PTPRG: variants seen among roughly 807,000 people sequenced by gnomAD.
The protein encoded by PTPRG is receptor-type tyrosine-protein phosphatase gamma.
PTPRG carries 102 observed loss-of-function variants against 165.3 expected under a neutral mutation model. The observed-to-expected ratio is 0.62, with a 90% CI of 0.53 to 0.73. The LOEUF is 0.73. PTPRG is among the 30% of genes least tolerant of loss of function. The pLI is 0.00. For missense variants in PTPRG, 1,866 were observed against 1,861.4 expected (o/e 1.00, Z -0.05); for synonymous variants, 675 against 669.5 (o/e 1.01, Z -0.13).
At chr3:62,062,524 C>T (rs1700850486) in intron 4 of PTPRG, among the ~76,000 whole-genome samples, 1 of 152,108 alleles carries the variant, frequency 6.6e-6, no homozygotes, top group Admixed American at 6.6e-5. Flanking sequence ...TAATGAGGGA[C>T]TTGATCTGAG....
At position 62,263,012 on chromosome 3, in the gene PTPRG, C is replaced by G; in HGVS notation, c.2656+118C>G. 5.4e-6 allele frequency: 4 copies of G among 738,558 alleles called. No homozygotes were observed. In the South Asian group the frequency reaches 7.1e-5, roughly 13 times the overall value. 45.8% of individuals were successfully genotyped at this position (738,558 alleles called of 1,614,324 possible). On this transcript the variant is annotated intron_variant, in intron 17 of 29. Coordinates refer to ENST00000474889, the MANE Select transcript of PTPRG (RefSeq NM_002841.4). ...GCCAAGAAAGAATGATTCTTGCAAG[C>G]TAACCTCTCATTAGCCCATCTTCAA...
rs529202805 is a variant in PTPRG, at chr3:61,719,005, A to C, written c.86-29873A>C. ...TCCCCAACAATCCATCAAGAATGGTACATATACCAGCCATCACCTGGCTCA... is the reference window on the plus strand; with the variant it reads ...TCCCCAACAATCCATCAAGAATGGTCCATATACCAGCCATCACCTGGCTCA... On this transcript the variant is annotated intron_variant, in intron 1 of 29. Coordinates refer to ENST00000474889, the MANE Select transcript of PTPRG (RefSeq NM_002841.4). Among the ~76,000 whole-genome samples the C allele has an allele frequency of 9.8e-5, 15 of 152,300 alleles. No individual in the cohort carries two copies. In the East Asian group the frequency reaches 1.7e-3, roughly 18 times the overall value.
At chr3:61,901,864 C>G (rs1055339696) in intron 2 of PTPRG, among the ~76,000 whole-genome samples, 1 of 152,080 alleles carries the variant, frequency 6.6e-6, no homozygotes, top group Non-Finnish European at 1.5e-5. Flanking sequence ...GATATCTGGA[C>G]CTTAAAAAAG....
At chr3:61,907,644 A>G (rs1476418405) in intron 2 of PTPRG, among the ~76,000 whole-genome samples, 2 of 152,216 alleles carry the variant, frequency 1.3e-5, no homozygotes, top group Admixed American at 1.3e-4. Flanking sequence ...AATGCAGACA[A>G]AAGTTCCTGT....
chr3:62,017,119 T>C (rs781195697), intron 4 of PTPRG, among the ~76,000 whole-genome samples: 11 of 152,208 alleles, frequency 7.2e-5, no homozygotes, highest in Middle Eastern at 3.2e-3. Context: ...TCTTGGCTGC[T>C]AATGAACATA....
intron 13 of PTPRG, among the ~76,000 whole-genome samples, chr3:62,220,517 T>C (rs1446786286): frequency 6.6e-6 from 1 of 152,156 alleles, no homozygotes; most frequent in African/African-American, 2.4e-5. Context: ...ATTGGGTCTG[T>C]TCCTAATTGG....
rs375473704 is a variant in PTPRG, at chr3:61,621,601, CT to C, written c.85+59230del. 4.5e-3 allele frequency among the ~76,000 whole-genome samples: 687 copies of C among 152,280 alleles called. 4 individuals carry two copies. Among genetic ancestry groups the C allele is most frequent in the African/African-American group, 0.014 (577 of 41,568 alleles). On this transcript the variant is annotated intron_variant, in intron 1 of 29. Coordinates refer to ENST00000474889, the MANE Select transcript of PTPRG (RefSeq NM_002841.4). Reference sequence around the variant, plus strand: ...GTCTTCCTTAACTCCTTCACTCTTTCTGTTCTTCCTTTATTCGTGCCAGGGG... The same window carrying C: ...GTCTTCCTTAACTCCTTCACTCTTTCGTTCTTCCTTTATTCGTGCCAGGGG...
chr3:61,808,269 A>T (rs565334697), intron 2 of PTPRG, among the ~76,000 whole-genome samples: 3 of 152,268 alleles, frequency 2.0e-5, no homozygotes, highest in African/African-American at 7.2e-5. Flanking sequence ...TTGTTTGGTT[A>T]TTTTTAAGTG....
At chr3:61,837,264 T>C (rs1026207213) in intron 2 of PTPRG, among the ~76,000 whole-genome samples, 1 of 152,192 alleles carries the variant, frequency 6.6e-6, no homozygotes. Flanking sequence ...GCCAGGCTGG[T>C]CTCGAACTCC....
intron 2 of PTPRG, among the ~76,000 whole-genome samples, chr3:61,846,113 T>C (rs1174371125): frequency 2.0e-5 from 3 of 152,178 alleles, no homozygotes; most frequent in African/African-American, 7.2e-5. Flanking sequence ...TTGTGAAGAT[T>C]AAAGAAGATC....
At position 62,190,551 on chromosome 3, in the gene PTPRG, A is replaced by G. The variant is rs13327833; in HGVS notation, c.1034-918A>G. Among the ~76,000 whole-genome samples, 6,511 of 152,150 alleles carry G rather than the reference A, an allele frequency of 0.043. 186 individuals carry two copies. Among genetic ancestry groups the G allele is most frequent in the African/African-American group, 0.068 (2,837 of 41,474 alleles). On this transcript the variant is annotated intron_variant, in intron 8 of 29. Coordinates refer to ENST00000474889, the MANE Select transcript of PTPRG (RefSeq NM_002841.4). This position sits in a 1 kb window ranked among gnomAD's most constrained non-coding sequence, Gnocchi z 5.2. ...CGTGTCCCTTAAACCTCTCAGCCCC[A>G]AGGAATAAGAAGATGAATGAGCCTG...
intron 6 of PTPRG, among the ~76,000 whole-genome samples, chr3:62,132,900 T>A (rs1703569446): frequency 6.6e-6 from 1 of 152,244 alleles, no homozygotes; most frequent in Admixed American, 6.5e-5. Context: ...CTAGTTTGAA[T>A]GCATATGTTA....
chr3:62,265,482 C>T (rs1055067053), intron 17 of PTPRG, among the ~76,000 whole-genome samples: 5 of 151,964 alleles, frequency 3.3e-5, no homozygotes, highest in Non-Finnish European at 7.4e-5. Flanking sequence ...TTGCTGAATC[C>T]GTCTTTTCTA....
intron 15 of PTPRG, among the ~76,000 whole-genome samples, chr3:62,246,615 G>T (rs1701293513): frequency 6.6e-6 from 1 of 152,086 alleles, no homozygotes; most frequent in Non-Finnish European, 1.5e-5. Flanking sequence ...TAACAAACTT[G>T]TGAGTTATTT....
chr3:61,724,862 A>G (rs1411440869), intron 1 of PTPRG, among the ~76,000 whole-genome samples: 1 of 152,076 alleles, frequency 6.6e-6, no homozygotes, highest in African/African-American at 2.4e-5. Flanking sequence ...CACTCTAGAT[A>G]GTAGATATTT....
rs184824245 is a variant in PTPRG at position 62,143,553 on chromosome 3, T to A, written c.682+10885T>A. ...GGAAAAATTTTAGTCTCATGAAGAA[T>A]CTTTTTTTTTTTTTTTTAATTTTTT... On this transcript the variant is annotated intron_variant, in intron 6 of 29. Transcript: ENST00000474889. Among the ~76,000 whole-genome samples, 825 of 147,922 alleles carry A rather than the reference T, an allele frequency of 5.6e-3. 15 individuals carry two copies. The highest frequency in any genetic ancestry group is 0.02 in the South Asian group (95 of 4,762).
intron 2 of PTPRG, among the ~76,000 whole-genome samples, chr3:61,978,635 A>G (rs78559178): frequency 0.029 from 4,483 of 152,322 alleles, 82 homozygotes; most frequent in Non-Finnish European, 0.046. Context: ...GCAGATGTAC[A>G]TATTACCTAT....
chr3:62,166,886 G>A (rs1483505939), intron 7 of PTPRG, among the ~76,000 whole-genome samples: 2 of 151,834 alleles, frequency 1.3e-5, no homozygotes, highest in African/African-American at 4.8e-5. Context: ...GCAGGGTCTC[G>A]TTGTCTGGGC....
At chr3:61,622,028 A>G (rs983349615) in intron 1 of PTPRG, among the ~76,000 whole-genome samples, 3 of 152,192 alleles carry the variant, frequency 2.0e-5, no homozygotes, top group African/African-American at 7.2e-5. Flanking sequence ...TCAACTTCAG[A>G]GCATCTTAGA....
Sources: gnomAD v4.1 joint callset for allele counts (sites outside exome capture counted in the v4.1 genomes callset) on GRCh38, gnomAD v4.1.1 for gene constraint, Gnocchi (gnomAD v3.1) non-coding constraint, MANE v1.5 for transcripts, NCBI Gene and HGNC (gene_info 2026-07-23, HGNC 2026-07-21) for gene names.